Variants in SV2C observed in about 807,000 individuals in gnomAD.
SV2C encodes the protein solute carrier family 22 member B3.
SV2C carries 49 observed loss-of-function variants against 79.7 expected under a neutral mutation model. That is an observed-to-expected ratio of 0.61 (90% CI 0.49 to 0.78). The LOEUF is 0.78. Ranked by LOEUF, SV2C falls within the 30% of genes least tolerant of loss-of-function variation. The pLI is 0.00. For synonymous variants in SV2C, 334 were observed against 333.2 expected (o/e 1.00, Z -0.03); for missense variants, 833 against 912.9 (o/e 0.91, Z 1.13).
chr5:76,208,863 G>A (rs189813470), intron 3 of SV2C, among the ~76,000 whole-genome samples: 208 of 152,194 alleles, frequency 1.4e-3, no homozygotes, highest in African/African-American at 4.7e-3. Flanking sequence ...GCTTTTTGAG[G>A]CAGTGGTTCC....
chr5:75,955,988 C>A, the SV2C span, among the ~76,000 whole-genome samples: 1 of 149,524 alleles, frequency 6.7e-6, no homozygotes, highest in East Asian at 2.0e-4. Context: ...GTCAGTGTGG[C>A]GATTCCTCAG....
the SV2C span, among the ~76,000 whole-genome samples, chr5:75,851,296 A>AGTTCTGCTATGTGCATAGCTGAACTAT: frequency 4.6e-5 from 7 of 152,216 alleles, no homozygotes; most frequent in Non-Finnish European, 1.0e-4. Flanking sequence ...TAGTAAGTAC[A>AGTTCTGCTATGTGCATAGCTGAACTAT]GTTCTGCTAT....
At chr5:76,316,764 A>G (rs148352209) in intron 12 of SV2C, among the ~76,000 whole-genome samples, 6 of 152,168 alleles carry the variant, frequency 3.9e-5, no homozygotes, top group African/African-American at 1.4e-4. Context: ...GCAAGCTCCT[A>G]CTATTCCTTT....
At chr5:76,076,414 T>C in the SV2C span, among the ~76,000 whole-genome samples, 3 of 152,256 alleles carry the variant, frequency 2.0e-5, 1 homozygote, top group Admixed American at 2.0e-4. Context: ...CTATTGAAGT[T>C]TAACTAAAGA....
the SV2C span, among the ~76,000 whole-genome samples, chr5:75,912,338 C>G: frequency 6.6e-6 from 1 of 151,846 alleles, no homozygotes; most frequent in South Asian, 2.1e-4. Context: ...AAAAAAAATA[C>G]AAAAATTAGG....
the SV2C span, among the ~76,000 whole-genome samples, chr5:75,895,909 AG>A: frequency 6.6e-6 from 1 of 152,022 alleles, no homozygotes. Flanking sequence ...TAGTACCTTT[AG>A]GGTTTCTATT....
At chr5:76,111,484 C>G (rs752493133) in intron 1 of SV2C, among the ~76,000 whole-genome samples, 10 of 152,120 alleles carry the variant, frequency 6.6e-5, no homozygotes, top group Non-Finnish European at 1.0e-4. Flanking sequence ...CCTTCTCCCT[C>G]CACCCTGAAT....
chr5:75,864,923 CCAG>C, the SV2C span, among the ~76,000 whole-genome samples: 1 of 137,538 alleles, frequency 7.3e-6, no homozygotes, highest in Non-Finnish European at 1.5e-5. Flanking sequence ...TGCAGCATGT[CCAG>C]ACTGCTATGC....
At chr5:76,137,994 C>T (rs938249968) in intron 2 of SV2C, among the ~76,000 whole-genome samples, 2 of 152,192 alleles carry the variant, frequency 1.3e-5, no homozygotes, top group Non-Finnish European at 2.9e-5. Flanking sequence ...AGCTGTCACA[C>T]TAGTGTTACA....
chr5:75,988,011 T>C, the SV2C span, among the ~76,000 whole-genome samples: 2 of 152,024 alleles, frequency 1.3e-5, no homozygotes, highest in Non-Finnish European at 2.9e-5. Flanking sequence ...ATTATATTAG[T>C]CAACATACAT....
upstream of SV2C, chr5:76,082,221 C>T: frequency 6.6e-6 from 1 of 152,282 alleles, no homozygotes; most frequent in East Asian, 1.9e-4. Flanking sequence ...TGAGGATGCC[C>T]TACTTCCCGC....
intron 1 of SV2C, among the ~76,000 whole-genome samples, chr5:76,085,543 AAAAG>A (rs772026649): frequency 1.3e-5 from 2 of 152,122 alleles, no homozygotes; most frequent in African/African-American, 2.4e-5. Context: ...GGGTTGGGAA[AAAAG>A]AAAGAAAGGA....
chr5:76,173,501 T>A, intron 2 of SV2C: 1 of 942,316 alleles, frequency 1.1e-6, no homozygotes, highest in Non-Finnish European at 1.8e-6. Context: ...CATCCGCCTC[T>A]TAAAGGGTAC....
At chr5:75,921,658 G>A in the SV2C span, 10 of 701,560 alleles carry the variant, frequency 1.4e-5, no homozygotes, top group African/African-American at 1.1e-4. Context: ...CAATGCGGGG[G>A]CCCCCTTTTA....
chr5:76,047,748 G>C, the SV2C span, among the ~76,000 whole-genome samples: 1 of 150,644 alleles, frequency 6.6e-6, no homozygotes, highest in Non-Finnish European at 1.5e-5. Context: ...ACAATATACC[G>C]TATTCTTTTT....
the SV2C span, among the ~76,000 whole-genome samples, chr5:76,046,346 C>G: frequency 6.6e-6 from 1 of 152,024 alleles, no homozygotes; most frequent in Non-Finnish European, 1.5e-5. Flanking sequence ...TCAATGGAAG[C>G]AAATAAGAAA....
intron 2 of SV2C, among the ~76,000 whole-genome samples, chr5:76,190,708 A>G (rs1303542311): frequency 6.6e-6 from 1 of 152,212 alleles, no homozygotes; most frequent in Non-Finnish European, 1.5e-5. Flanking sequence ...CACACCTCAG[A>G]TTTGTGGAAG....
intron 12 of SV2C, among the ~76,000 whole-genome samples, chr5:76,341,683 T>C (rs1456725282): frequency 6.6e-6 from 1 of 152,158 alleles, no homozygotes; most frequent in Non-Finnish European, 1.5e-5. Context: ...TGAGAAAATG[T>C]ATATAAAAGG....
At chr5:76,137,080 A>G (rs1749094164) in intron 2 of SV2C, among the ~76,000 whole-genome samples, 1 of 152,202 alleles carries the variant, frequency 6.6e-6, no homozygotes, top group South Asian at 2.1e-4. Flanking sequence ...AGTAATTTAA[A>G]TTTCTCTGTG....
Sources: allele counts gnomAD v4.1 joint callset (sites outside exome capture counted in the v4.1 genomes callset), GRCh38; gene constraint gnomAD v4.1.1; transcripts MANE v1.5; gene names NCBI Gene and HGNC (gene_info 2026-07-23, HGNC 2026-07-21).